GABRA3: variants seen among roughly 807,000 people sequenced by gnomAD.
The protein encoded by GABRA3 is gamma-aminobutyric acid type A receptor subunit alpha3, also known as gamma-aminobutyric acid receptor subunit alpha-3.
A neutral mutation model predicts 30.1 loss-of-function variants in GABRA3; 10 were observed. The ratio of observed to expected loss-of-function variants is 0.33; its 90% CI spans 0.20 to 0.56. GABRA3 has a LOEUF of 0.56. GABRA3 is among the 20% of genes least tolerant of loss of function. The pLI, the probability that GABRA3 is intolerant of heterozygous loss-of-function variation, is 0.89. For synonymous variants in GABRA3, 151 were observed against 146.8 expected (o/e 1.03, Z -0.21); for missense variants, 233 against 392.0 (o/e 0.59, Z 3.42).
intron 1 of GABRA3, among the ~76,000 whole-genome samples, chrX:152,411,090 G>A (rs1458610741): frequency 2.7e-5 from 3 of 111,591 alleles, no homozygotes; most frequent in African/African-American, 9.8e-5. Context: ...TGGGAAGATC[G>A]CTTGCAACCA....
At chrX:152,248,024 C>T (rs372135532) in intron 5 of GABRA3, among the ~76,000 whole-genome samples, 18 of 110,679 alleles carry the variant, frequency 1.6e-4, no homozygotes, top group African/African-American at 5.9e-4. Context: ...TCCTCGATAC[C>T]CTATATCCAG....
intron 9 of GABRA3, among the ~76,000 whole-genome samples, chrX:152,172,116 A>G (rs1029531384): frequency 9.0e-6 from 1 of 111,659 alleles, no homozygotes; most frequent in Non-Finnish European, 1.9e-5. Context: ...AACAACAAAA[A>G]CCCAAACAAC....
intron 9 of GABRA3, among the ~76,000 whole-genome samples, chrX:152,180,514 T>G (rs1311562665): frequency 8.9e-6 from 1 of 112,045 alleles, no homozygotes; most frequent in African/African-American, 3.2e-5. Context: ...GCTCTGTTGA[T>G]TGTTTCCTTG....
intron 1 of GABRA3, among the ~76,000 whole-genome samples, chrX:152,386,037 G>A (rs1354148696): frequency 9.2e-6 from 1 of 109,279 alleles, no homozygotes; most frequent in African/African-American, 3.3e-5. Flanking sequence ...GATGCCTCCA[G>A]CTTTGTTCTT....
intron 1 of GABRA3, among the ~76,000 whole-genome samples, chrX:152,408,820 T>C (rs1929999327): frequency 9.1e-6 from 1 of 109,485 alleles, no homozygotes; most frequent in Non-Finnish European, 1.9e-5. Flanking sequence ...CTTTAAATTA[T>C]ACTACAAAGG....
rs994050686 is a variant in GABRA3 at position 152,248,185 on chromosome X, T to A, written c.551+7593A>T. On this transcript the variant is annotated intron_variant, in intron 5 of 9. Transcript: ENST00000370314. ...TAGTATTTCTATTTATCTTCCAGAATGCAACCAGGGATTTCAATTTAAAAA... is the reference window on the plus strand; with the variant it reads ...TAGTATTTCTATTTATCTTCCAGAAAGCAACCAGGGATTTCAATTTAAAAA... Among the ~76,000 whole-genome samples the A allele has an allele frequency of 1.0e-4, 11 of 109,941 alleles. 1 individual carries two copies. The Middle Eastern group carries it at 0.028, about 278-fold the overall frequency.
At chrX:152,282,706 G>C (rs1402491344) in intron 4 of GABRA3, among the ~76,000 whole-genome samples, 4 of 112,037 alleles carry the variant, frequency 3.6e-5, no homozygotes, top group African/African-American at 9.7e-5. Context: ...GCCTGCTATG[G>C]TGAGGAAGCA....
chrX:152,421,586 A>G (rs1930374678), intron 1 of GABRA3, among the ~76,000 whole-genome samples: 1 of 111,722 alleles, frequency 9.0e-6, no homozygotes, highest in African/African-American at 3.2e-5. Context: ...AGACAATACA[A>G]ATAAGAGTGA....
chrX:152,178,250 ATGTG>A (rs763383254), intron 9 of GABRA3, among the ~76,000 whole-genome samples: 1 of 107,037 alleles, frequency 9.3e-6, no homozygotes, highest in African/African-American at 3.4e-5. Flanking sequence ...GTGTGCGTCT[ATGTG>A]TGTGTGTGTG....
chrX:152,202,718 G>A (rs1371565726), intron 7 of GABRA3, among the ~76,000 whole-genome samples: 9 of 112,224 alleles, frequency 8.0e-5, no homozygotes, highest in South Asian at 7.3e-4. Context: ...TTATTCACTC[G>A]TGGATACTGG....
At chrX:152,398,496 A>G (rs1929716825) in intron 1 of GABRA3, among the ~76,000 whole-genome samples, 1 of 111,555 alleles carries the variant, frequency 9.0e-6, no homozygotes, top group African/African-American at 3.3e-5. Context: ...GTTCTAAACT[A>G]GCTATGATCT....
At chrX:152,318,107 G>A (rs867190074) in intron 3 of GABRA3, among the ~76,000 whole-genome samples, 10 of 111,351 alleles carry the variant, frequency 9.0e-5, no homozygotes, top group South Asian at 3.7e-4. Context: ...ATCCGAATAA[G>A]CTCAATTAGA....
intron 1 of GABRA3, among the ~76,000 whole-genome samples, chrX:152,410,683 A>C (rs2124529657): frequency 9.0e-6 from 1 of 111,510 alleles, no homozygotes; most frequent in East Asian, 2.8e-4. Context: ...AAAAAGCAAT[A>C]GTAACCAATC....
intron 6 of GABRA3, among the ~76,000 whole-genome samples, chrX:152,212,541 CCTAGCTGCCGTA>C (rs1330136276): frequency 9.2e-6 from 1 of 109,284 alleles, no homozygotes; most frequent in Non-Finnish European, 1.9e-5. Context: ...GAAGGATCAC[CCTAGCTGCCGTA>C]AGGATGGCTG....
intron 1 of GABRA3, among the ~76,000 whole-genome samples, chrX:152,445,481 C>G (rs1602735170): frequency 9.0e-6 from 1 of 111,339 alleles, no homozygotes; most frequent in Non-Finnish European, 1.9e-5. Flanking sequence ...ACTCTCAGGA[C>G]AGTTACAATT....
chrX:152,195,439 C>T (rs1937373267), intron 8 of GABRA3, among the ~76,000 whole-genome samples: 1 of 111,709 alleles, frequency 9.0e-6, no homozygotes, highest in African/African-American at 3.2e-5. Context: ...AATTTAGTTG[C>T]CTAAAACAAT....
chrX:152,442,416 A>G, intron 1 of GABRA3, among the ~76,000 whole-genome samples: 1 of 111,243 alleles, frequency 9.0e-6, no homozygotes, highest in Non-Finnish European at 1.9e-5. Context: ...AATAACTTGT[A>G]AACTATACAT....
intron 1 of GABRA3, among the ~76,000 whole-genome samples, chrX:152,423,065 T>C (rs1172513883): frequency 8.9e-6 from 1 of 112,051 alleles, no homozygotes; most frequent in Non-Finnish European, 1.9e-5. Context: ...AATTATATTT[T>C]GAAAAATGCT....
At chrX:152,432,467 A>G (rs1930671173) in intron 1 of GABRA3, among the ~76,000 whole-genome samples, 1 of 111,984 alleles carries the variant, frequency 8.9e-6, no homozygotes, top group Admixed American at 9.5e-5. Context: ...GTTCAAAATC[A>G]TAAAAGAATA....
Sources: gnomAD v4.1 joint callset for allele counts (sites outside exome capture counted in the v4.1 genomes callset) on GRCh38, gnomAD v4.1.1 for gene constraint, MANE v1.5 for transcripts, NCBI Gene and HGNC (gene_info 2026-07-23, HGNC 2026-07-21) for gene names.